LIMA1: variants seen among roughly 807,000 people sequenced by gnomAD.
LIMA1 encodes LIM domain and actin-binding protein 1.
A neutral mutation model predicts 62.6 loss-of-function variants in LIMA1; 52 were observed. The observed-to-expected ratio is 0.83, with a 90% CI of 0.67 to 1.05. The LOEUF (loss-of-function observed/expected upper bound fraction) is 1.05, where lower values mean the gene tolerates loss of function less well. Among genes scored for constraint, LIMA1 ranks in the 50% least tolerant of loss-of-function variants. The pLI is 0.00. For missense variants in LIMA1, 780 were observed against 902.2 expected, an observed-to-expected ratio of 0.86 and a Z score of 1.74; for synonymous variants, 302 against 317.8, an observed-to-expected ratio of 0.95 and a Z score of 0.53.
At chr12:50,261,857 C>T (rs1482776878) in intron 1 of LIMA1, among the ~76,000 whole-genome samples, 1 of 152,132 alleles carries the variant, frequency 6.6e-6, no homozygotes, top group Non-Finnish European at 1.5e-5. Context: ...TAAAATCACA[C>T]TGTATTTTAA....
intron 1 of LIMA1, among the ~76,000 whole-genome samples, chr12:50,266,222 C>T (rs1244146462): frequency 6.6e-6 from 1 of 152,164 alleles, no homozygotes; most frequent in African/African-American, 2.4e-5. Flanking sequence ...CACTATGTGT[C>T]AGTCACTGTA....
intron 1 of LIMA1, among the ~76,000 whole-genome samples, chr12:50,261,042 ATTTT>A (rs71083524): frequency 5.5e-5 from 3 of 54,296 alleles, no homozygotes; most frequent in East Asian, 1.1e-3. Flanking sequence ...CATCTAGTAT[ATTTT>A]TTTTTTTTTT....
At chr12:50,232,829 A>C (rs1017544529) in intron 2 of LIMA1, among the ~76,000 whole-genome samples, 7 of 152,240 alleles carry the variant, frequency 4.6e-5, no homozygotes, top group African/African-American at 1.7e-4. Flanking sequence ...TCTACTAAAA[A>C]TACAAAAATC....
At chr12:50,201,517 G>A in intron 6 of LIMA1, 2 of 984,184 alleles carry the variant, frequency 2.0e-6, no homozygotes, top group Non-Finnish European at 2.4e-6. Context: ...GCATTTTATT[G>A]TCATAAGGAA....
At chr12:50,278,759 GT>G (rs1235755501) in intron 1 of LIMA1, among the ~76,000 whole-genome samples, 2 of 151,976 alleles carry the variant, frequency 1.3e-5, no homozygotes, top group African/African-American at 4.8e-5. Flanking sequence ...CCATTTAAAT[GT>G]TTTCAAAAAT....
chr12:50,270,337 G>T (rs1178149882), intron 1 of LIMA1, among the ~76,000 whole-genome samples: 1 of 150,394 alleles, frequency 6.6e-6, no homozygotes, highest in Admixed American at 6.7e-5. Flanking sequence ...AGTGGCTCAC[G>T]CCTGTAATCC....
At chr12:50,276,048 A>G (rs966547757) in intron 1 of LIMA1, among the ~76,000 whole-genome samples, 1 of 152,140 alleles carries the variant, frequency 6.6e-6, no homozygotes, top group African/African-American at 2.4e-5. Context: ...CAGGCAATTA[A>G]AGGAACCATA....
At chr12:50,200,926 A>G in intron 6 of LIMA1, 42 bp from the exon 7 acceptor site, 2 of 1,606,130 alleles carry the variant, frequency 1.2e-6, no homozygotes, top group Non-Finnish European at 1.7e-6. Flanking sequence ...TTAAAGTCCC[A>G]TCATTCTGTT....
chr12:50,227,297 G>A (rs529999399), intron 3 of LIMA1, among the ~76,000 whole-genome samples: 1 of 144,460 alleles, frequency 6.9e-6, no homozygotes, highest in South Asian at 2.2e-4. Context: ...GGAGTGCAGT[G>A]GTGCAATCTT....
intron 2 of LIMA1, among the ~76,000 whole-genome samples, chr12:50,237,389 C>G (rs549502347): frequency 1.3e-5 from 2 of 152,332 alleles, no homozygotes; most frequent in East Asian, 3.9e-4. Flanking sequence ...GTAATCCCAG[C>G]ACTTTGGGAG....
intron 1 of LIMA1, among the ~76,000 whole-genome samples, chr12:50,264,779 A>G (rs1413133808): frequency 6.6e-6 from 1 of 152,190 alleles, no homozygotes; most frequent in Non-Finnish European, 1.5e-5. Flanking sequence ...AGGTTCAGAT[A>G]CTAGAACTCC....
chr12:50,201,662 T>C (rs10219559), intron 6 of LIMA1: 229,284 of 367,500 alleles, frequency 0.62, 74,605 homozygotes, highest in East Asian at 0.9. Flanking sequence ...TTTGGGAAGC[T>C]GAGGCGGGTG....
At chr12:50,198,546 C>T (rs1236612401) in intron 7 of LIMA1, among the ~76,000 whole-genome samples, 1 of 151,758 alleles carries the variant, frequency 6.6e-6, no homozygotes, top group Non-Finnish European at 1.5e-5. Flanking sequence ...AGAGCAAGAC[C>T]TCATCTCTAA....
chr12:50,238,430 C>T (rs1394767001), intron 2 of LIMA1, among the ~76,000 whole-genome samples: 3 of 151,822 alleles, frequency 2.0e-5, no homozygotes. Context: ...TCATTTGAAC[C>T]CAGGAGGTGG....
At chr12:50,231,586 C>G in intron 3 of LIMA1, 79 bp downstream of exon 3, 1 of 1,282,180 alleles carries the variant, frequency 7.8e-7, no homozygotes, top group Non-Finnish European at 1.1e-6. Flanking sequence ...GAACCCAAGC[C>G]CCACAGAGGC....
chr12:50,274,716 G>A (rs1427263013), intron 1 of LIMA1, among the ~76,000 whole-genome samples: 1 of 152,124 alleles, frequency 6.6e-6, no homozygotes, highest in Non-Finnish European at 1.5e-5. Context: ...GTAGGAACAG[G>A]GACACGAACA....
At chr12:50,264,963 G>C (rs974938232) in intron 1 of LIMA1, among the ~76,000 whole-genome samples, 1 of 151,990 alleles carries the variant, frequency 6.6e-6, no homozygotes, top group African/African-American at 2.4e-5. Flanking sequence ...ATCAGCCTGG[G>C]CATGATGGTG....
chr12:50,208,347 G>C (rs578036056), intron 4 of LIMA1, among the ~76,000 whole-genome samples: 1 of 152,156 alleles, frequency 6.6e-6, no homozygotes, highest in Non-Finnish European at 1.5e-5. Context: ...TTAGCCAGGC[G>C]TGGTGGCCCG....
chr12:50,202,780 CATT>C (rs1941077281), intron 6 of LIMA1, among the ~76,000 whole-genome samples: 1 of 152,178 alleles, frequency 6.6e-6, no homozygotes, highest in Non-Finnish European at 1.5e-5. Context: ...CCAGAATACT[CATT>C]ATGGTTTCCA....
Sources: allele counts gnomAD v4.1 joint callset (sites outside exome capture counted in the v4.1 genomes callset), GRCh38; gene constraint gnomAD v4.1.1; transcripts MANE v1.5; gene names NCBI Gene and HGNC (gene_info 2026-07-23, HGNC 2026-07-21).